RIPOR2: variants seen among roughly 807,000 people sequenced by gnomAD.
RIPOR2 encodes the protein rho family-interacting cell polarization regulator 2.
Under a neutral mutation model 114.5 loss-of-function variants are expected in RIPOR2, and 39 were observed. The observed-to-expected ratio is 0.34, with a 90% confidence interval of 0.26 to 0.44. RIPOR2 has a LOEUF of 0.44. Among genes scored for constraint, RIPOR2 ranks in the 20% least tolerant of loss-of-function variants. RIPOR2 has a pLI of 1.00. For synonymous variants in RIPOR2, 445 were observed against 484.4 expected, an observed-to-expected ratio of 0.92 and a Z score of 1.07; for missense variants, 1,007 against 1,255.1, an observed-to-expected ratio of 0.80 and a Z score of 2.99.
rs533788371 is a variant in RIPOR2 at position 24,935,936 on chromosome 6, C to T, written c.-38G>A. ...AGGCGCGAGAAGCAGCAGGCAGCAG[C>T]CCCGGCAGTCTCAGCAGTCACACTG... On this transcript the variant is annotated 5_prime_UTR_variant, in exon 1 of 22. Transcript: ENST00000643898. The T allele has an allele frequency of 6.7e-7, 1 of 1,485,584 alleles. No homozygotes were observed. The highest frequency in any genetic ancestry group is 9.1e-7 in the Non-Finnish European group (1 of 1,101,744). 92.0% of individuals were successfully genotyped at this position (1,485,584 alleles called of 1,614,324 possible). A position where few individuals can be genotyped will look rare whatever the true frequency, so the allele number is the denominator to read the frequency against.
At chr6:24,974,996 AGAAGTGGGAAGT>A (rs1486000905) in intron 1 of RIPOR2, among the ~76,000 whole-genome samples, 1 of 152,218 alleles carries the variant, frequency 6.6e-6, no homozygotes, top group East Asian at 1.9e-4. Flanking sequence ...GGGTGAAAGG[AGAAGTGGGAAGT>A]GACTGCTAAT....
intron 1 of RIPOR2, among the ~76,000 whole-genome samples, chr6:25,008,364 G>A (rs1251008550): frequency 6.6e-6 from 1 of 152,190 alleles, no homozygotes; most frequent in Non-Finnish European, 1.5e-5. Flanking sequence ...ATGCAGGAGG[G>A]CCTGATGTAC....
chr6:24,983,803 G>A (rs981813622), intron 1 of RIPOR2, among the ~76,000 whole-genome samples: 2 of 147,244 alleles, frequency 1.4e-5, no homozygotes, highest in Admixed American at 6.8e-5. Flanking sequence ...TTGTGGAGCA[G>A]CTGAGCACCT....
intron 5 of RIPOR2, among the ~76,000 whole-genome samples, chr6:24,870,545 AC>A (rs1219034828): frequency 5.0e-4 from 76 of 152,220 alleles, no homozygotes; most frequent in Non-Finnish European, 6.5e-4. Flanking sequence ...TGCTCTCTCA[AC>A]CCAGGCTGGA....
At chr6:24,825,524 T>C (rs928674897) in intron 18 of RIPOR2, 96 bp from the exon 19 acceptor site, 1 of 854,428 alleles carries the variant, frequency 1.2e-6, no homozygotes. Flanking sequence ...TAAGAAAGTA[T>C]AGTATAGTAA....
chr6:24,996,676 G>T (rs747334786), intron 1 of RIPOR2, among the ~76,000 whole-genome samples: 6 of 152,162 alleles, frequency 3.9e-5, no homozygotes, highest in Non-Finnish European at 7.3e-5. Context: ...CAGGTGAGAG[G>T]CTTCTCTAAG....
rs151262840 is a variant in RIPOR2, at chr6:24,840,165, G to A, written c.1858-893C>T. 6,946 of 877,966 alleles carry A rather than the reference G, an allele frequency of 7.9e-3. 37 individuals carry two copies. Among genetic ancestry groups the A allele is most frequent in the Non-Finnish European group, 8.8e-3 (6,391 of 730,004 alleles). The allele number at this position is 877,966 out of a possible 1,614,324, so 54.4% of individuals were successfully genotyped here. ...AGGGTCTCCCTATGTTGACCATACC[G>A]GTCTTGAACTCTTGGGCTCCAGCAA... On this transcript the variant is annotated intron_variant, in intron 13 of 21. Transcript: ENST00000643898.
intron 1 of RIPOR2, among the ~76,000 whole-genome samples, chr6:24,877,663 TA>T (rs1460727602): frequency 1.3e-5 from 2 of 152,166 alleles, no homozygotes; most frequent in African/African-American, 4.8e-5. Context: ...CACTCAAACA[TA>T]AATTTAATTT....
intron 1 of RIPOR2, among the ~76,000 whole-genome samples, chr6:24,929,811 C>T (rs2778500): frequency 2.6e-5 from 4 of 152,212 alleles, no homozygotes; most frequent in South Asian, 2.1e-4. Flanking sequence ...TGGTGGCTTA[C>T]GCTTGTAATC....
intron 1 of RIPOR2, among the ~76,000 whole-genome samples, chr6:24,909,895 C>T (rs1265079832): frequency 1.3e-5 from 2 of 152,130 alleles, no homozygotes; most frequent in Admixed American, 1.3e-4. Context: ...AGAATCAGCC[C>T]GGTTCTCCTG....
chr6:24,809,873 A>C, intron 20 of RIPOR2, 66 bp from the exon 21 acceptor site: 1 of 1,047,308 alleles, frequency 9.5e-7, no homozygotes, highest in Non-Finnish European at 1.5e-6. Flanking sequence ...GAGACTTGGC[A>C]TTTCACAACT....
chr6:24,934,416 G>A (rs1202739284), intron 1 of RIPOR2, among the ~76,000 whole-genome samples: 1 of 152,206 alleles, frequency 6.6e-6, no homozygotes, highest in African/African-American at 2.4e-5. Flanking sequence ...ATTGATTTAA[G>A]TTGTGATAAA....
intron 19 of RIPOR2, among the ~76,000 whole-genome samples, chr6:24,820,842 T>C (rs555130523): frequency 6.6e-6 from 1 of 151,136 alleles, no homozygotes; most frequent in South Asian, 2.1e-4. Context: ...TACAAGGTTT[T>C]TTTGTGTGGA....
chr6:24,985,839 T>C (rs1478062504), intron 1 of RIPOR2, among the ~76,000 whole-genome samples: 16 of 152,152 alleles, frequency 1.1e-4, no homozygotes, highest in Admixed American at 1.0e-3. Context: ...TTATTTTATA[T>C]GATTTGGAGT....
At chr6:25,026,491 C>A (rs546021994) in intron 1 of RIPOR2, among the ~76,000 whole-genome samples, 1 of 152,248 alleles carries the variant, frequency 6.6e-6, no homozygotes, top group East Asian at 1.9e-4. Flanking sequence ...TGCAAACAAC[C>A]AAGACACTAA....
intron 1 of RIPOR2, among the ~76,000 whole-genome samples, chr6:24,916,209 A>G (rs939935831): frequency 2.0e-5 from 3 of 151,600 alleles, no homozygotes; most frequent in African/African-American, 7.3e-5. Flanking sequence ...TTTTCCTCCT[A>G]CCTTTAATAT....
intron 1 of RIPOR2, among the ~76,000 whole-genome samples, chr6:24,922,330 C>G (rs1215574553): frequency 6.6e-6 from 1 of 152,152 alleles, no homozygotes; most frequent in South Asian, 2.1e-4. Context: ...GAATCCCATA[C>G]GTAACTCTCA....
Position 25,037,061 on chromosome 6 carries a change from A to G in RIPOR2, c.76+4790T>C, listed in dbSNP as rs542774884. ...ACCATTTTTAGGCCCTCAGCTCCCA[A>G]TAGCTACATTGCCAGGAACTGTGCT... On this transcript the variant is annotated intron_variant, in intron 1 of 13. Transcript: ENST00000510784. The surrounding 1 kb of genome is among the most constrained non-coding windows in gnomAD (Gnocchi z 4.5). 4.6e-5 allele frequency among the ~76,000 whole-genome samples: 7 copies of G among 152,324 alleles called. No homozygotes were observed. The highest frequency in any genetic ancestry group is 3.9e-4 in the East Asian group (2 of 5,184).
chr6:24,978,932 A>G (rs1283427689), intron 1 of RIPOR2, among the ~76,000 whole-genome samples: 1 of 152,252 alleles, frequency 6.6e-6, no homozygotes, highest in Non-Finnish European at 1.5e-5. Context: ...AAATCGTGAC[A>G]GAATGCTAGT....
Sources: allele counts gnomAD v4.1 joint callset (sites outside exome capture counted in the v4.1 genomes callset), GRCh38; gene constraint gnomAD v4.1.1; non-coding constraint Gnocchi (gnomAD v3.1); transcripts MANE v1.5; gene names NCBI Gene and HGNC (gene_info 2026-07-23, HGNC 2026-07-21).